PLEKHM2: variants seen among roughly 807,000 people sequenced by gnomAD.
The protein encoded by PLEKHM2 is pleckstrin homology and RUN domain containing M2, also known as pleckstrin homology domain-containing family M member 2.
In PLEKHM2, 77 loss-of-function variants were observed where a neutral mutation model predicts 116.3. That is an observed-to-expected ratio of 0.66 (90% CI 0.55 to 0.80). PLEKHM2 has a LOEUF of 0.80. PLEKHM2 is among the 30% of genes least tolerant of loss of function. The pLI is 0.00. For missense variants in PLEKHM2, 1,183 were observed against 1,354.9 expected, an observed-to-expected ratio of 0.87 and a Z score of 1.99; for synonymous variants, 562 against 571.0, an observed-to-expected ratio of 0.98 and a Z score of 0.22.
In PLEKHM2 at chr1:15,732,289, G is replaced by C. The variant is rs571277456; in HGVS notation, c.2626-61G>C. On this transcript the variant is annotated intron_variant, in intron 17 of 19. Coordinates refer to ENST00000375799, the MANE Select transcript of PLEKHM2 (RefSeq NM_015164.4). ...GGGCTGGCTGGTCCCCTGGAGTGTG[G>C]ACTTCTGGTGCAGACCAGCCCTGGA... The C allele has an allele frequency of 2.0e-4, 272 of 1,375,968 alleles. 3 individuals carry two copies. The South Asian group carries it at 3.5e-3, about 18-fold the overall frequency. 85.2% of individuals were successfully genotyped at this position (1,375,968 alleles called of 1,614,324 possible).
At chr1:15,730,466 C>T (rs952646442) in intron 14 of PLEKHM2, 66 bp from the exon 15 acceptor site, 38 of 1,322,322 alleles carry the variant, frequency 2.9e-5, no homozygotes, top group South Asian at 3.0e-5. Context: ...AGAACCAGTC[C>T]GGGCTCAGCC....
chr1:15,731,863 C>A, intron 16 of PLEKHM2, 26 bp from the exon 17 acceptor site: 1 of 1,599,796 alleles, frequency 6.3e-7, no homozygotes, highest in East Asian at 2.3e-5. Context: ...TCCTCGCTCC[C>A]GTTTCACCCT....
chr1:15,733,134 G>A (rs533989426), intron 19 of PLEKHM2, among the ~76,000 whole-genome samples: 1 of 152,348 alleles, frequency 6.6e-6, no homozygotes, highest in Non-Finnish European at 1.5e-5. Context: ...GAGCTGTCTG[G>A]GGGCAGAGGC....
intron 1 of PLEKHM2, among the ~76,000 whole-genome samples, chr1:15,690,038 G>C (rs1640857420): frequency 6.7e-6 from 1 of 150,188 alleles, no homozygotes; most frequent in South Asian, 2.1e-4. Flanking sequence ...TTACAGGTGT[G>C]AGCCACCGCA....
chr1:15,686,575 G>C (rs1640773586), intron 1 of PLEKHM2, among the ~76,000 whole-genome samples: 1 of 151,942 alleles, frequency 6.6e-6, no homozygotes, highest in Admixed American at 6.6e-5. Context: ...CCACCTCCCA[G>C]GTTCAAGCGA....
intron 17 of PLEKHM2, 110 bp downstream of exon 17, chr1:15,732,158 C>T: frequency 8.9e-7 from 1 of 1,117,606 alleles, no homozygotes; most frequent in Non-Finnish European, 1.3e-6. Flanking sequence ...CCAAGACGGA[C>T]CTCCAGGGGG....
rs891560804 is a variant in PLEKHM2, at chr1:15,727,389, C to A, written c.1317C>A (p.Thr439=). 2.5e-6 allele frequency: 4 copies of A among 1,602,484 alleles called. No individual in the cohort carries two copies. The African/African-American group carries it at 5.4e-5, about 21-fold the overall frequency. ...AGCCCCCAGACCAGTCCTTTCGGAC[C>A]GGCTCTCCCGGGGATGCCCCGGAGA... is the stretch of plus-strand genomic sequence containing the variant. ...RAEPPDQSFR[T]GSPGDAPERP... The change falls in exon 9 of 20, where the codon ACC becomes ACA. Residue 439 remains threonine, a synonymous_variant. Transcript: ENST00000375799. The surrounding 1 kb of genome is among the most constrained non-coding windows in gnomAD (Gnocchi z 7.5).
At chr1:15,689,184 G>T (rs903045769) in intron 1 of PLEKHM2, among the ~76,000 whole-genome samples, 21 of 149,864 alleles carry the variant, frequency 1.4e-4, no homozygotes, top group Non-Finnish European at 2.4e-4. Flanking sequence ...GGAGGCGGAG[G>T]TTGTGGTGAG....
chr1:15,684,045 T>G (rs1391579281), upstream of PLEKHM2, among the ~76,000 whole-genome samples: 3 of 136,110 alleles, frequency 2.2e-5, no homozygotes, highest in Non-Finnish European at 4.7e-5. Context: ...AAGGAATCTG[T>G]GGGCTGAGGA....
chr1:15,692,885 A>G (rs1226079099), intron 1 of PLEKHM2, among the ~76,000 whole-genome samples: 1 of 148,042 alleles, frequency 6.8e-6, no homozygotes, highest in Non-Finnish European at 1.5e-5. Flanking sequence ...GATTATAGGC[A>G]TGCACCACCA....
At chr1:15,732,196 G>T in intron 17 of PLEKHM2, 148 bp downstream of exon 17, 1 of 930,756 alleles carries the variant, frequency 1.1e-6, no homozygotes, top group Non-Finnish European at 1.6e-6. Flanking sequence ...CTGGAGCTCA[G>T]AGGCATCACC....
chr1:15,711,910 G>A (rs1174797012), intron 1 of PLEKHM2, among the ~76,000 whole-genome samples: 2 of 151,934 alleles, frequency 1.3e-5, no homozygotes, highest in Non-Finnish European at 2.9e-5. Flanking sequence ...TCTGAGGTTG[G>A]GAGTTCAAGA....
In PLEKHM2 at chr1:15,721,366, T is replaced by C; in HGVS notation, c.690T>C (p.Ser230=). Residue 230 remains serine, a synonymous_variant, in exon 7 of 20, where the codon TCT becomes TCC. Coordinates refer to ENST00000375799, the MANE Select transcript of PLEKHM2 (RefSeq NM_015164.4). The surrounding 1 kb of genome is among the most constrained non-coding windows in gnomAD (Gnocchi z 5.1). The part of the protein sequence containing the change: ...DFGDVFPAVP[S]VPSTDWEDGD... ...GAGATGTGTTTCCAGCAGTGCCGTC[T>C]GTACCCAGCACAGACTGGGAAGGTG... 6.4e-7 allele frequency: 1 copy of C among 1,571,482 alleles called. No individual in the cohort carries two copies. Among genetic ancestry groups the C allele is most frequent in the Non-Finnish European group, 8.6e-7 (1 of 1,156,936 alleles).
chr1:15,708,466 C>T (rs948600683), intron 1 of PLEKHM2, among the ~76,000 whole-genome samples: 5 of 152,290 alleles, frequency 3.3e-5, no homozygotes, highest in Non-Finnish European at 5.9e-5. Flanking sequence ...CCACCTGCCT[C>T]GGCCTCCCAA....
Position 15,721,754 on chromosome 1 carries a change from A to C in PLEKHM2, c.712+366A>C, listed in dbSNP as rs975057068. Among the ~76,000 whole-genome samples the C allele has an allele frequency of 1.3e-5, 2 of 152,198 alleles. No homozygotes were observed. The highest frequency in any genetic ancestry group is 2.9e-5 in the Non-Finnish European group (2 of 68,030). On this transcript the variant is annotated intron_variant, in intron 7 of 19. Transcript: ENST00000375799. The surrounding 1 kb of genome is among the most constrained non-coding windows in gnomAD (Gnocchi z 5.1). ...GTTCTGGAAAACCATGCCTTTAAAC[A>C]TGCGGGTTGTAAGCTCCTGCGGGTC... is the stretch of plus-strand genomic sequence containing the variant.
chr1:15,702,997 T>C (rs1641147757), intron 1 of PLEKHM2, among the ~76,000 whole-genome samples: 1 of 152,310 alleles, frequency 6.6e-6, no homozygotes, highest in South Asian at 2.1e-4. Flanking sequence ...CCCAAAGTGC[T>C]GGAATTACAG....
chr1:15,697,675 T>G (rs1641024938), intron 1 of PLEKHM2, among the ~76,000 whole-genome samples: 1 of 152,154 alleles, frequency 6.6e-6, no homozygotes, highest in African/African-American at 2.4e-5. Flanking sequence ...ATGTCTTTCT[T>G]TTTCTTGAGA....
chr1:15,716,738 C>G lies in PLEKHM2; in HGVS notation c.199C>G (p.Leu67Val). ...LQDLSSGYWV[L>V]VVHFTRREAI... ...AGACCTCTCCTCTGGCTACTGGGTG[C>G]TCGTGGTGCATTTTACTCGGAGAGA... The change falls in exon 3 of 20, where the codon CTC becomes GTC. Residue 67 changes from leucine (L) to valine (V), a missense_variant. Physicochemically the swap from Leu to Val is conservative, Grantham distance 32. This residue lies in a region of PLEKHM2 where 217 missense variants were observed against 277.6 expected (regional missense o/e 0.78). Transcript: ENST00000375799. 6.3e-7 allele frequency: 1 copy of G among 1,577,684 alleles called. No individual in the cohort carries two copies. Among genetic ancestry groups the G allele is most frequent in the Non-Finnish European group, 8.6e-7 (1 of 1,161,530 alleles).
intron 1 of PLEKHM2, among the ~76,000 whole-genome samples, chr1:15,694,471 C>G (rs1640950924): frequency 6.6e-6 from 1 of 152,168 alleles, no homozygotes; most frequent in South Asian, 2.1e-4. Flanking sequence ...CCTTGAGGGT[C>G]TAAACCAGGC....
Sources: gnomAD v4.1 joint callset for allele counts (sites outside exome capture counted in the v4.1 genomes callset) on GRCh38, gnomAD v4.1.1 for gene constraint, gnomAD v4.1.1 regional missense constraint, Gnocchi (gnomAD v3.1) non-coding constraint, MANE v1.5 for transcripts, NCBI Gene and HGNC (gene_info 2026-07-23, HGNC 2026-07-21) for gene names.